Variants in ADAMTS3 observed in about 807,000 individuals in gnomAD.
The protein encoded by ADAMTS3 is A disintegrin and metalloproteinase with thrombospondin motifs 3.
A neutral mutation model predicts 129.0 loss-of-function variants in ADAMTS3; 73 were observed. The ratio of observed to expected loss-of-function variants is 0.57; its 90% CI spans 0.47 to 0.69. The LOEUF (loss-of-function observed/expected upper bound fraction) is 0.69, where lower values mean the gene tolerates loss of function less well. Among genes scored for constraint, ADAMTS3 ranks in the 30% least tolerant of loss-of-function variants. ADAMTS3 has a pLI of 0.00. For missense variants in ADAMTS3, 1,457 were observed against 1,514.5 expected, an observed-to-expected ratio of 0.96 and a Z score of 0.63; for synonymous variants, 477 against 510.8, an observed-to-expected ratio of 0.93 and a Z score of 0.89.
intron 3 of ADAMTS3, among the ~76,000 whole-genome samples, chr4:72,490,280 A>G (rs1209308380): frequency 6.6e-6 from 1 of 152,000 alleles, no homozygotes; most frequent in African/African-American, 2.4e-5. Context: ...TATTGTCTGC[A>G]AATATTTTCT....
At chr4:72,478,721 G>A (rs1031931260) in intron 3 of ADAMTS3, among the ~76,000 whole-genome samples, 14 of 151,744 alleles carry the variant, frequency 9.2e-5, no homozygotes, top group Non-Finnish European at 1.3e-4. Flanking sequence ...GGAAATAAAG[G>A]GTATTCAATT....
Position 72,284,340 on chromosome 4 carries a change from G to C in ADAMTS3, c.3050-636C>G, listed in dbSNP as rs570025947. 1.8e-4 allele frequency among the ~76,000 whole-genome samples: 27 copies of C among 152,026 alleles called. No homozygotes were observed. The East Asian group carries it at 4.8e-3, about 27-fold the overall frequency. On this transcript the variant is annotated intron_variant, in intron 21 of 21. Transcript: ENST00000286657. Reference sequence around the variant, plus strand: ...GGCGCCTGTAGTCCCAGCTACTCGTGAGGCTGAGGTAGGAGAGTGGCGTGA... The same window carrying C: ...GGCGCCTGTAGTCCCAGCTACTCGTCAGGCTGAGGTAGGAGAGTGGCGTGA...
intron 4 of ADAMTS3, among the ~76,000 whole-genome samples, chr4:72,364,277 TTTTG>T (rs1320902334): frequency 2.6e-5 from 4 of 152,170 alleles, no homozygotes; most frequent in African/African-American, 7.2e-5. Flanking sequence ...ATATTTTTCT[TTTTG>T]TTTACTTTTC....
chr4:72,476,014 G>T (rs1380302394), intron 3 of ADAMTS3, among the ~76,000 whole-genome samples: 1 of 151,714 alleles, frequency 6.6e-6, no homozygotes, highest in Non-Finnish European at 1.5e-5. Flanking sequence ...ACATACATTA[G>T]AAAAAAGAAA....
chr4:72,549,978 AAG>A (rs1248500739), intron 2 of ADAMTS3, among the ~76,000 whole-genome samples: 1 of 29,266 alleles, frequency 3.4e-5, no homozygotes, highest in African/African-American at 2.3e-4. Context: ...GAAGAAGAAG[AAG>A]AAGAAGAAGA....
chr4:72,536,263 G>A (rs1721183218), intron 3 of ADAMTS3, among the ~76,000 whole-genome samples: 1 of 152,160 alleles, frequency 6.6e-6, no homozygotes, highest in Admixed American at 6.5e-5. Flanking sequence ...GAACTCTTCA[G>A]GAGAGCAGAG....
chr4:72,516,868 ACT>A (rs1158498958), intron 3 of ADAMTS3, among the ~76,000 whole-genome samples: 2 of 151,772 alleles, frequency 1.3e-5, no homozygotes, highest in African/African-American at 4.8e-5. Context: ...AACTTCCAAC[ACT>A]CTGTTGAATA....
intron 3 of ADAMTS3, among the ~76,000 whole-genome samples, chr4:72,501,765 A>C (rs1720031487): frequency 6.8e-6 from 1 of 147,796 alleles, no homozygotes; most frequent in Non-Finnish European, 1.5e-5. Context: ...CAGTTATTAA[A>C]ATTTTGAAGT....
intron 4 of ADAMTS3, among the ~76,000 whole-genome samples, chr4:72,407,359 A>G (rs1268101888): frequency 6.6e-6 from 1 of 152,152 alleles, no homozygotes; most frequent in Non-Finnish European, 1.5e-5. Flanking sequence ...AACAGGACAT[A>G]AAGAAAATCT....
At chr4:72,505,370 A>AT (rs938047875) in intron 3 of ADAMTS3, among the ~76,000 whole-genome samples, 4 of 152,022 alleles carry the variant, frequency 2.6e-5, no homozygotes, top group Non-Finnish European at 4.4e-5. Flanking sequence ...CTGTTGGTAG[A>AT]TTTTTTTACT....
intron 14 of ADAMTS3, among the ~76,000 whole-genome samples, chr4:72,310,083 A>G (rs1427141201): frequency 2.6e-5 from 4 of 152,114 alleles, no homozygotes; most frequent in Non-Finnish European, 5.9e-5. Context: ...ATCTAAACCC[A>G]TATTTAAACC....
intron 3 of ADAMTS3, chr4:72,441,914 G>A (rs566964585): frequency 2.0e-5 from 3 of 151,876 alleles, no homozygotes; most frequent in East Asian, 2.0e-4. Context: ...AGGCTGGCAC[G>A]AGGGCAATTC....
At chr4:72,556,869 G>C (rs1721781177) in intron 2 of ADAMTS3, among the ~76,000 whole-genome samples, 1 of 151,696 alleles carries the variant, frequency 6.6e-6, no homozygotes, top group South Asian at 2.1e-4. Flanking sequence ...AAGAAAGCCA[G>C]TTTCAGATTT....
intron 3 of ADAMTS3, among the ~76,000 whole-genome samples, chr4:72,464,793 A>G (rs1718874166): frequency 6.6e-6 from 1 of 152,076 alleles, no homozygotes; most frequent in Non-Finnish European, 1.5e-5. Flanking sequence ...TAGTTTGGAA[A>G]AGTAGTCTCA....
rs529007469 is a variant in ADAMTS3 at position 72,312,816 on chromosome 4, C to A, written c.1746-350G>T. Reference sequence around the variant, plus strand: ...TGCAGCTCAAAGAAACTTTGGTCATCGCTCCATGGCTCGGTTCCCTCATAT... The same window carrying A: ...TGCAGCTCAAAGAAACTTTGGTCATAGCTCCATGGCTCGGTTCCCTCATAT... On this transcript the variant is annotated intron_variant, in intron 12 of 21. Coordinates refer to ENST00000286657, the MANE Select transcript of ADAMTS3 (RefSeq NM_014243.3). 7.9e-5 allele frequency among the ~76,000 whole-genome samples: 12 copies of A among 152,228 alleles called. No homozygotes were observed. In the South Asian group the frequency reaches 1.2e-3, roughly 16 times the overall value.
chr4:72,512,099 T>A (rs1329649607), intron 3 of ADAMTS3, among the ~76,000 whole-genome samples: 1 of 152,058 alleles, frequency 6.6e-6, no homozygotes, highest in Non-Finnish European at 1.5e-5. Flanking sequence ...AGTAGAAGGA[T>A]GGTTACCAGA....
intron 3 of ADAMTS3, among the ~76,000 whole-genome samples, chr4:72,520,401 G>C (rs1182786972): frequency 6.6e-6 from 1 of 152,180 alleles, no homozygotes; most frequent in Non-Finnish European, 1.5e-5. Context: ...AGTCTGCAGA[G>C]GTTACTGCTG....
At chr4:72,348,789 C>G (rs1720354072) in intron 4 of ADAMTS3, among the ~76,000 whole-genome samples, 1 of 151,492 alleles carries the variant, frequency 6.6e-6, no homozygotes, top group Admixed American at 6.6e-5. Context: ...AGAGAGGTAT[C>G]TAGTTGCTGA....
intron 3 of ADAMTS3, among the ~76,000 whole-genome samples, chr4:72,483,850 CT>C (rs1472192459): frequency 6.6e-6 from 1 of 152,028 alleles, no homozygotes; most frequent in Non-Finnish European, 1.5e-5. Flanking sequence ...AACCCCGTCT[CT>C]ACTAAAAATA....
Sources: allele counts gnomAD v4.1 joint callset (sites outside exome capture counted in the v4.1 genomes callset), GRCh38; gene constraint gnomAD v4.1.1; transcripts MANE v1.5; gene names NCBI Gene and HGNC (gene_info 2026-07-23, HGNC 2026-07-21).